Variants in GAREM2 observed in about 807,000 individuals in gnomAD.
GAREM2 encodes GRB2 associated regulator of MAPK1 subtype 2.
GAREM2 carries 30 observed loss-of-function variants against 55.6 expected under a neutral mutation model. The ratio of observed to expected loss-of-function variants is 0.54; its 90% CI spans 0.40 to 0.73. The LOEUF (loss-of-function observed/expected upper bound fraction) is 0.73. GAREM2 is among the 30% of genes least tolerant of loss of function. The pLI is 0.00. For synonymous variants in GAREM2, 550 were observed against 569.1 expected (o/e 0.97, Z 0.48); for missense variants, 1,075 against 1,257.7 (o/e 0.85, Z 2.20).
At chr2:26,184,202 T>A (rs1669142679) in intron 3 of GAREM2, 31 bp from the exon 4 acceptor site, 39 of 1,546,038 alleles carry the variant, frequency 2.5e-5, no homozygotes, top group Non-Finnish European at 3.4e-5. Flanking sequence ...GGGACCTGGC[T>A]AAGGCCCTGC....
chr2:26,198,277 C>A, the GAREM2 span, among the ~76,000 whole-genome samples: 1 of 151,950 alleles, frequency 6.6e-6, no homozygotes, highest in African/African-American at 2.4e-5. Context: ...CTACAGTACA[C>A]AAATACTATT....
chr2:26,201,983 T>G, the GAREM2 span, among the ~76,000 whole-genome samples: 1 of 146,636 alleles, frequency 6.8e-6, no homozygotes, highest in East Asian at 2.0e-4. Context: ...TTTTTTTTAG[T>G]AGAGATGGGG....
At chr2:26,180,054 C>T (rs1176636462) in intron 2 of GAREM2, among the ~76,000 whole-genome samples, 2 of 152,182 alleles carry the variant, frequency 1.3e-5, no homozygotes, top group Non-Finnish European at 2.9e-5. Flanking sequence ...CACATTTTTC[C>T]TCTGTTGCCC....
At position 26,188,076 on chromosome 2, in the gene GAREM2, C is replaced by G; in HGVS notation, c.2444C>G (p.Ser815Cys). ...DLSALSLEEVSRSLRFIGLSE... is the reference protein window; with the variant it reads ...DLSALSLEEVCRSLRFIGLSE... Reference sequence around the variant, plus strand: ...TCTGCACTCTCCCTGGAGGAGGTCTCTCGCAGTCTGCGTTTCATCGGGCTC... The same window carrying G: ...TCTGCACTCTCCCTGGAGGAGGTCTGTCGCAGTCTGCGTTTCATCGGGCTC... The change falls in exon 6 of 6, where the codon TCT (serine) becomes TGT (cysteine). Residue 815 changes from serine to cysteine, a missense_variant. Physicochemically the swap from Ser to Cys is moderately radical, Grantham distance 112. Transcript: ENST00000401533. 6.5e-7 allele frequency: 1 copy of G among 1,548,526 alleles called. No homozygotes were observed. Among genetic ancestry groups the G allele is most frequent in the Non-Finnish European group, 8.7e-7 (1 of 1,145,152 alleles).
chr2:26,173,443 C>T, intron 1 of GAREM2, 111 bp downstream of exon 1: 1 of 527,522 alleles, frequency 1.9e-6, no homozygotes, highest in Non-Finnish European at 2.9e-6. Flanking sequence ...CCTCCCAGCT[C>T]CCCGGCGTGG....
At chr2:26,201,817 C>T in the GAREM2 span, among the ~76,000 whole-genome samples, 3 of 151,204 alleles carry the variant, frequency 2.0e-5, no homozygotes, top group South Asian at 4.2e-4. Flanking sequence ...TTTTTTGAGA[C>T]GGAGTCTCGC....
chr2:26,195,900 G>A, the GAREM2 span, among the ~76,000 whole-genome samples: 17 of 152,274 alleles, frequency 1.1e-4, no homozygotes, highest in East Asian at 1.5e-3. Context: ...ATTCTGATGC[G>A]TGCTAAGGTT....
At chr2:26,177,334 C>T (rs1331216250) in intron 2 of GAREM2, among the ~76,000 whole-genome samples, 1 of 152,148 alleles carries the variant, frequency 6.6e-6, no homozygotes, top group Non-Finnish European at 1.5e-5. Flanking sequence ...GTGTGAGCCC[C>T]GGATCCCACA....
chr2:26,190,892 A>ATTGT (rs575072564), downstream of GAREM2: 3 of 370,626 alleles, frequency 8.1e-6, no homozygotes, highest in Non-Finnish European at 1.5e-5. Flanking sequence ...TTTGGTTTTT[A>ATTGT]TTGTTATGTG....
chr2:26,193,824 CCAAA>C (rs758983774), downstream of GAREM2: 1 of 1,409,032 alleles, frequency 7.1e-7, no homozygotes, highest in South Asian at 1.2e-5. Context: ...CCAAATCCCC[CCAAA>C]GGGCTCCCTG....
chr2:26,182,263 C>A (rs1669074366), intron 2 of GAREM2: 1 of 1,429,552 alleles, frequency 7.0e-7, no homozygotes. Context: ...GCACGCAGCC[C>A]CAGACTGCAG....
chr2:26,190,446 ATGC>A (rs1289978732), downstream of GAREM2, among the ~76,000 whole-genome samples: 5 of 152,118 alleles, frequency 3.3e-5, no homozygotes, highest in African/African-American at 1.2e-4. Flanking sequence ...AGCACTCCTC[ATGC>A]TGCTCCCGTG....
At chr2:26,194,087 G>A (rs1265746660), downstream of GAREM2, among the ~76,000 whole-genome samples, 1 of 152,164 alleles carries the variant, frequency 6.6e-6, no homozygotes, top group Non-Finnish European at 1.5e-5. Context: ...AGTGTGTCAT[G>A]ACCAACAGAA....
intron 1 of GAREM2, among the ~76,000 whole-genome samples, chr2:26,175,443 C>G (rs1458125377): frequency 6.6e-6 from 1 of 152,180 alleles, no homozygotes; most frequent in African/African-American, 2.4e-5. Flanking sequence ...TCAACCCCTC[C>G]AACCCTCAGC....
chr2:26,176,522 G>T lies in GAREM2; in HGVS notation c.253+38G>T, dbSNP rs1331520322. The T allele has an allele frequency of 7.5e-6, 11 of 1,475,774 alleles. No homozygotes were observed. In the East Asian group the frequency reaches 2.4e-4, roughly 32 times the overall value. 91.4% of individuals were successfully genotyped at this position (1,475,774 alleles called of 1,614,324 possible). ...AGGACAGATGTCATAAAGCCTGTAG[G>T]GGGGTGTAGGCAGGAGGGACTGGGG... On this transcript the variant is annotated intron_variant, in intron 2 of 5. Coordinates refer to ENST00000401533, the MANE Select transcript of GAREM2 (RefSeq NM_001168241.2).
At chr2:26,186,429 C>T in intron 5 of GAREM2, 71 bp downstream of exon 5, 1 of 1,403,990 alleles carries the variant, frequency 7.1e-7, no homozygotes, top group Non-Finnish European at 9.8e-7. Context: ...GGAGGGGGAA[C>T]TACAGTGCTG....
At position 26,173,172 on chromosome 2, in the gene GAREM2, G is replaced by C. The variant is rs1037771857; in HGVS notation, c.-49G>C. On this transcript the variant is annotated 5_prime_UTR_variant, in exon 1 of 6. Transcript: ENST00000401533. ...GCGGGCGCGAGAGCCTGGGCCGCGCGGGACTGACCGTCGGGGCCCCGGGAC... is the reference window on the plus strand; with the variant it reads ...GCGGGCGCGAGAGCCTGGGCCGCGCCGGACTGACCGTCGGGGCCCCGGGAC... The C allele has an allele frequency of 1.4e-6, 1 of 723,592 alleles. No individual in the cohort carries two copies. Among genetic ancestry groups the C allele is most frequent in the Non-Finnish European group, 1.8e-6 (1 of 546,910 alleles). The allele number at this position is 723,592 out of a possible 1,614,324, so 44.8% of individuals were successfully genotyped here.
At chr2:26,190,266 G>A (rs1038113391), downstream of GAREM2, among the ~76,000 whole-genome samples, 2 of 152,144 alleles carry the variant, frequency 1.3e-5, no homozygotes, top group African/African-American at 4.8e-5. Context: ...GAATGTGATG[G>A]GACTGGAATT....
At chr2:26,197,791 G>A in the GAREM2 span, 1 of 1,305,364 alleles carries the variant, frequency 7.7e-7, no homozygotes, top group Non-Finnish European at 1.1e-6. Context: ...CAGGGGAAAA[G>A]CATTTAACAA....
Sources: allele counts gnomAD v4.1 joint callset (sites outside exome capture counted in the v4.1 genomes callset), GRCh38; gene constraint gnomAD v4.1.1; transcripts MANE v1.5; gene names NCBI Gene and HGNC (gene_info 2026-07-23, HGNC 2026-07-21).